SLC5A10: variants seen among roughly 807,000 people sequenced by gnomAD.
The protein encoded by SLC5A10 is sodium/mannose cotransporter SLC5A10.
A neutral mutation model predicts 68.9 loss-of-function variants in SLC5A10; 55 were observed. The ratio of observed to expected loss-of-function variants is 0.80; its 90% CI spans 0.64 to 1.00. SLC5A10 has a LOEUF of 1.00. Ranked by LOEUF, SLC5A10 falls within the 50% of genes least tolerant of loss-of-function variation. The pLI is 0.00. For synonymous variants in SLC5A10, 344 were observed against 344.8 expected (o/e 1.00, Z 0.02); for missense variants, 732 against 819.3 (o/e 0.89, Z 1.30).
chr17:18,978,651 TG>T (rs1292880060), intron 9 of SLC5A10: 1 of 1,613,008 alleles, frequency 6.2e-7, no homozygotes, highest in Non-Finnish European at 8.5e-7. Flanking sequence ...TTGGCCACAG[TG>T]CCCGCGGGCA....
intron 9 of SLC5A10, among the ~76,000 whole-genome samples, chr17:18,989,757 C>T (rs1489538072): frequency 6.6e-6 from 1 of 152,248 alleles, no homozygotes; most frequent in African/African-American, 2.4e-5. Flanking sequence ...CCTGCAGCCT[C>T]TCACAGGCAC....
intron 9 of SLC5A10, among the ~76,000 whole-genome samples, chr17:18,986,618 A>G (rs1234562327): frequency 6.6e-6 from 1 of 152,236 alleles, no homozygotes; most frequent in South Asian, 2.1e-4. Flanking sequence ...CTCTGCAAGC[A>G]GCGGAGCAGC....
At chr17:18,994,375 G>A (rs139542457) in intron 9 of SLC5A10, among the ~76,000 whole-genome samples, 118 of 152,300 alleles carry the variant, frequency 7.7e-4, no homozygotes, top group African/African-American at 2.6e-3. Flanking sequence ...CTGAGTTGAG[G>A]AGACAGGGTT....
intron 11 of SLC5A10, chr17:19,019,043 A>T (rs1324875312): frequency 1.5e-5 from 3 of 206,742 alleles, no homozygotes; most frequent in Admixed American, 5.5e-5. Context: ...TTCCATTGGG[A>T]GGGGAAGACA....
chr17:18,969,652 C>T (rs1431944385), intron 7 of SLC5A10: 3 of 477,774 alleles, frequency 6.3e-6, no homozygotes, highest in Non-Finnish European at 1.1e-5. Context: ...CTGTTACCAG[C>T]TCTGGCCCTG....
Position 19,015,054 on chromosome 17 carries a change from C to A in SLC5A10, c.1096C>A (p.Arg366=). ...CATCCCCCGTCCCACCCCAGGTCTG[C>A]GGGGGCTGATGATCGCAGTGATGCT... is the stretch of plus-strand genomic sequence containing the variant. ...LVMELMPIGL[R]GLMIAVMLAA... is the part of the protein sequence containing the mutation. Residue 366 remains arginine, a synonymous_variant, in exon 11 of 15, where the codon CGG becomes AGG. Transcript: ENST00000395645. The A allele has an allele frequency of 6.2e-7, 1 of 1,613,086 alleles. No individual in the cohort carries two copies. Among genetic ancestry groups the A allele is most frequent in the Non-Finnish European group, 8.5e-7 (1 of 1,179,302 alleles).
At chr17:19,008,141 C>T (rs1037344013) in intron 9 of SLC5A10, among the ~76,000 whole-genome samples, 2 of 152,164 alleles carry the variant, frequency 1.3e-5, no homozygotes, top group East Asian at 1.9e-4. Context: ...AAACTGGTTG[C>T]AGGTTGTAAA....
At chr17:18,972,614 G>T (rs1209073233) in intron 8 of SLC5A10, among the ~76,000 whole-genome samples, 5 of 152,194 alleles carry the variant, frequency 3.3e-5, no homozygotes, top group Non-Finnish European at 7.3e-5. Flanking sequence ...TGTAATCCCA[G>T]CACTTTGGGA....
intron 9 of SLC5A10, among the ~76,000 whole-genome samples, chr17:19,010,752 GCTCAT>G (rs1359642298): frequency 6.6e-6 from 1 of 152,192 alleles, no homozygotes; most frequent in Non-Finnish European, 1.5e-5. Context: ...ATCAGCAGTG[GCTCAT>G]CACCTGTCCT....
At chr17:18,993,522 AGAG>A (rs1192182294) in intron 9 of SLC5A10, among the ~76,000 whole-genome samples, 4 of 152,078 alleles carry the variant, frequency 2.6e-5, no homozygotes, top group Admixed American at 2.0e-4. Context: ...CGGCTCAGAG[AGAG>A]GAGAGAGGCG....
chr17:18,964,967 A>G (rs997665837), intron 5 of SLC5A10, among the ~76,000 whole-genome samples: 2 of 151,988 alleles, frequency 1.3e-5, no homozygotes, highest in Non-Finnish European at 2.9e-5. Context: ...ACATGGTTAA[A>G]CCCTGTTTCT....
At position 19,013,457 on chromosome 17, in the gene SLC5A10, GCC is replaced by G; in HGVS notation, c.1031_1032del (p.Ala344GlyfsTer200). ...VPSECLRACG[A>X]EVGCSNIAYP... ...GTCCGAGTGCCTGCGGGCCTGCGGG[GCC>G]GAGGTCGGCTGCTCCAACATCGCCT... On this transcript the variant is annotated frameshift_variant, in exon 10 of 15. Transcript: ENST00000395645. LOFTEE classifies it high-confidence loss of function. The G allele has an allele frequency of 6.2e-7, 1 of 1,604,674 alleles. No homozygotes were observed. The highest frequency in any genetic ancestry group is 2.3e-5 in the East Asian group (1 of 44,252).
In SLC5A10 at chr17:19,003,210, C is replaced by T. The variant is rs1476132071; in HGVS notation, c.983-10200C>T. Among the ~76,000 whole-genome samples, 1 of 150,580 alleles carries T rather than the reference C, an allele frequency of 6.6e-6. No homozygotes were observed. The highest frequency in any genetic ancestry group is 1.5e-5 in the Non-Finnish European group (1 of 67,570). On this transcript the variant is annotated intron_variant, in intron 9 of 14. Coordinates refer to ENST00000395645, the MANE Select transcript of SLC5A10 (RefSeq NM_001042450.4). The surrounding 1 kb of genome is among the most constrained non-coding windows in gnomAD (Gnocchi z 4.5). The stretch of plus-strand genomic sequence containing the variant: ...TGAGAGGAAGCCCTGGGGTTCCTCC[C>T]CTCCCCACTCCACCCTATCTCGGTG...
In SLC5A10 at chr17:18,959,198, G is replaced by A. The variant is rs1177802835; in HGVS notation, c.247G>A (p.Gly83Ser). 1.2e-6 allele frequency: 2 copies of A among 1,613,398 alleles called. No homozygotes were observed. Among genetic ancestry groups the A allele is most frequent in the South Asian group, 1.1e-5 (1 of 91,074 alleles). ...SGLFIGLAGS[G>S]AAGGLAVAGF... The stretch of plus-strand genomic sequence containing the variant: ...CCTCTTCATTGGACTGGCGGGCTCA[G>A]GCGCGGCAGGAGGTCTGGCCGTGGC... Residue 83 changes from glycine to serine, a missense_variant, in exon 3 of 15, where the codon GGC (glycine) becomes AGC (serine). Gly to Ser is a moderately conservative substitution (Grantham distance 56). Coordinates refer to ENST00000395645, the MANE Select transcript of SLC5A10 (RefSeq NM_001042450.4).
At chr17:18,992,679 C>T (rs2043458881) in intron 9 of SLC5A10, among the ~76,000 whole-genome samples, 1 of 152,216 alleles carries the variant, frequency 6.6e-6, no homozygotes, top group Non-Finnish European at 1.5e-5. Context: ...TTTGGGTGAG[C>T]CACACCTGCG....
intron 9 of SLC5A10, among the ~76,000 whole-genome samples, chr17:18,999,800 C>G (rs2043681076): frequency 6.6e-6 from 1 of 152,202 alleles, no homozygotes; most frequent in Admixed American, 6.5e-5. Flanking sequence ...ATGCAGAGAT[C>G]AGTGTTCTGG....
At chr17:18,970,716 G>A (rs1329631729) in intron 7 of SLC5A10, 1 of 434,360 alleles carries the variant, frequency 2.3e-6, no homozygotes, top group Non-Finnish European at 4.2e-6. Context: ...AGGCCGATGA[G>A]TGTCCAGAGG....
At chr17:18,953,379 G>A (rs892344665) in intron 1 of SLC5A10, among the ~76,000 whole-genome samples, 19 of 151,956 alleles carry the variant, frequency 1.3e-4, no homozygotes, top group Non-Finnish European at 2.8e-4. Context: ...TGATTTGCCC[G>A]CCTCGGCCTC....
intron 1 of SLC5A10, among the ~76,000 whole-genome samples, chr17:18,954,726 A>G (rs193120024): frequency 2.0e-5 from 3 of 152,294 alleles, no homozygotes; most frequent in Admixed American, 1.3e-4. Context: ...TGCATTCATT[A>G]AAGTATCTGT....
Sources: gnomAD v4.1 joint callset for allele counts (sites outside exome capture counted in the v4.1 genomes callset) on GRCh38, gnomAD v4.1.1 for gene constraint, Gnocchi (gnomAD v3.1) non-coding constraint, MANE v1.5 for transcripts, NCBI Gene and HGNC (gene_info 2026-07-23, HGNC 2026-07-21) for gene names.